The following RBM6 variants were observed in gnomAD, a reference collection of about 807,000 sequenced individuals.
RBM6 encodes RNA binding motif protein 6.
In RBM6, 23 loss-of-function variants were observed where a neutral mutation model predicts 140.4. The observed-to-expected ratio is 0.16, with a 90% CI of 0.12 to 0.23. The LOEUF (loss-of-function observed/expected upper bound fraction) is 0.23, where lower values mean the gene tolerates loss of function less well. Among genes scored for constraint, RBM6 ranks in the 10% least tolerant of loss-of-function variants. The probability of loss-of-function intolerance (pLI) is 1.00; values close to 1 mark genes in which losing one functional copy is unlikely to be tolerated. For synonymous variants in RBM6, 439 were observed against 475.6 expected, an observed-to-expected ratio of 0.92 and a Z score of 1.00; for missense variants, 1,139 against 1,386.7, an observed-to-expected ratio of 0.82 and a Z score of 2.84.
At chr3:50,016,912 GC>G (rs2087192717) in intron 6 of RBM6, among the ~76,000 whole-genome samples, 2 of 145,686 alleles carry the variant, frequency 1.4e-5, no homozygotes, top group African/African-American at 5.2e-5. Context: ...TGCAATCTCT[GC>G]CTCCCGGGTT....
intron 6 of RBM6, among the ~76,000 whole-genome samples, chr3:50,012,416 G>C (rs1486496084): frequency 2.0e-5 from 3 of 151,256 alleles, no homozygotes; most frequent in African/African-American, 7.3e-5. Context: ...GGAGTGCAGT[G>C]GCGTGATCTC....
chr3:49,990,580 A>G (rs919133077), intron 5 of RBM6, among the ~76,000 whole-genome samples: 3 of 152,232 alleles, frequency 2.0e-5, no homozygotes, highest in African/African-American at 7.2e-5. Context: ...CTCTGTATTA[A>G]TAAAGAGCAC....
intron 11 of RBM6, 92 bp from the exon 12 acceptor site, chr3:50,060,864 A>T: frequency 7.4e-7 from 1 of 1,358,588 alleles, no homozygotes; most frequent in Non-Finnish European, 9.8e-7. Context: ...AAAATGAGGA[A>T]CAGAGGATTT....
At chr3:50,071,676 G>A (rs1665417525) in intron 19 of RBM6, among the ~76,000 whole-genome samples, 1 of 152,146 alleles carries the variant, frequency 6.6e-6, no homozygotes, top group African/African-American at 2.4e-5. Context: ...CTTAGAGAGA[G>A]GTGTCAGATC....
intron 6 of RBM6, 138 bp downstream of exon 6, chr3:49,999,651 G>C: frequency 1.3e-6 from 1 of 741,016 alleles, no homozygotes; most frequent in South Asian, 1.8e-5. Context: ...ACCATCGGTT[G>C]TGAGGAAAAT....
At chr3:50,051,446 A>C (rs2089462990) in intron 7 of RBM6, among the ~76,000 whole-genome samples, 1 of 152,116 alleles carries the variant, frequency 6.6e-6, no homozygotes, top group South Asian at 2.1e-4. Context: ...GTTGGAGATC[A>C]GCCTGACCAA....
At chr3:50,043,300 TG>T (rs2089029894) in intron 6 of RBM6, among the ~76,000 whole-genome samples, 1 of 151,952 alleles carries the variant, frequency 6.6e-6, no homozygotes, top group Non-Finnish European at 1.5e-5. Flanking sequence ...CTGGCCAACA[TG>T]GTGAAACCCC....
Position 50,061,537 on chromosome 3 carries a change from C to T in RBM6, c.2429C>T (p.Pro810Leu), listed in dbSNP as rs2089941479. Residue 810 changes from proline (P) to leucine (L), a missense_variant, in exon 14 of 21, where the codon CCC becomes CTC. Pro to Leu is a moderately conservative substitution (Grantham distance 98, BLOSUM62 -3). Transcript: ENST00000266022. ...YDPLAGTYYD[P>L]NTQQEVYVPQ... is the part of the protein sequence containing the mutation. ...CCCTTGGCAGGAACTTATTATGACC[C>T]CAATACCCAGGTGAGTTTGGGGCTT... 1 of 1,597,226 alleles carries T rather than the reference C, an allele frequency of 6.3e-7. No individual in the cohort carries two copies. Among genetic ancestry groups the T allele is most frequent in the Non-Finnish European group, 8.5e-7 (1 of 1,176,276 alleles).
chr3:49,973,584 C>CTTTTTT (rs1226088993), intron 4 of RBM6, among the ~76,000 whole-genome samples: 3 of 131,322 alleles, frequency 2.3e-5, no homozygotes, highest in Non-Finnish European at 4.9e-5. Context: ...TTCTGCTTTT[C>CTTTTTT]TTTTTTTTTT....
At chr3:49,953,232 T>G (rs1246108666) in intron 1 of RBM6, among the ~76,000 whole-genome samples, 3 of 151,630 alleles carry the variant, frequency 2.0e-5, no homozygotes, top group Non-Finnish European at 4.4e-5. Flanking sequence ...ATTTTTTTTT[T>G]TTTTTGAGAT....
In RBM6 at chr3:49,956,261, T is replaced by G. The variant is rs920693323; in HGVS notation, c.-66-6315T>G. ...CTGGTCTCAAACTGGGTTCAAACAA[T>G]CTACCTGCCTTAGCCTTCCAAAGTG... On this transcript the variant is annotated intron_variant, in intron 1 of 20. Transcript: ENST00000266022. Among the ~76,000 whole-genome samples, 3 of 151,220 alleles carry G rather than the reference T, an allele frequency of 2.0e-5. No homozygotes were observed. The East Asian group carries it at 5.8e-4, about 29-fold the overall frequency.
intron 6 of RBM6, among the ~76,000 whole-genome samples, chr3:50,036,241 C>G (rs1055207524): frequency 1.3e-5 from 2 of 152,206 alleles, no homozygotes; most frequent in African/African-American, 4.8e-5. Flanking sequence ...CTACAAACTA[C>G]AAGAGATGCC....
At chr3:49,992,472 A>T (rs1430617057) in intron 5 of RBM6, among the ~76,000 whole-genome samples, 2 of 152,222 alleles carry the variant, frequency 1.3e-5, no homozygotes. Flanking sequence ...AGAAGCAGTA[A>T]TGCAGAGGCA....
intron 1 of RBM6, among the ~76,000 whole-genome samples, chr3:49,942,015 C>T (rs1372040025): frequency 2.0e-5 from 3 of 150,428 alleles, no homozygotes; most frequent in Non-Finnish European, 3.0e-5. Flanking sequence ...ATGGAAAAAT[C>T]GCTTGAGCCG....
chr3:50,070,483 G>T lies in RBM6; in HGVS notation c.3047G>T (p.Arg1016Leu). 7.4e-6 allele frequency: 12 copies of T among 1,613,896 alleles called. No individual in the cohort carries two copies. Among genetic ancestry groups the T allele is most frequent in the Non-Finnish European group, 1.0e-5 (12 of 1,179,834 alleles). Residue 1016 changes from arginine to leucine, a missense_variant, in exon 19 of 21, where the codon CGC becomes CTC. Physicochemically the swap from Arg to Leu is moderately radical, Grantham distance 102 (BLOSUM62 -2). Around this residue, in one of 9 missense-constraint regions of RBM6, gnomAD observed 125 missense variants for 142.0 expected, o/e 0.88. Coordinates refer to ENST00000266022, the MANE Select transcript of RBM6 (RefSeq NM_005777.3). Reference sequence around the variant, plus strand: ...AAGTTTAAAGGAAGAGGAAATGATCGCAGGGAAAAGCTCCAGTCTTTTGAC... The same window carrying T: ...AAGTTTAAAGGAAGAGGAAATGATCTCAGGGAAAAGCTCCAGTCTTTTGAC... ...EGKFKGRGNDRREKLQSFDSP... is the reference protein window; with the variant it reads ...EGKFKGRGNDLREKLQSFDSP...
intron 20 of RBM6, among the ~76,000 whole-genome samples, chr3:50,076,803 T>C (rs1160622131): frequency 6.6e-6 from 1 of 151,606 alleles, no homozygotes; most frequent in Non-Finnish European, 1.5e-5. Flanking sequence ...AAGAATTGCT[T>C]GAACCGGGGA....
intron 18 of RBM6, among the ~76,000 whole-genome samples, chr3:50,069,199 C>T (rs949600915): frequency 1.3e-5 from 2 of 152,152 alleles, no homozygotes; most frequent in African/African-American, 4.8e-5. Flanking sequence ...GCTTCACTGG[C>T]CTCTCTCATG....
At chr3:50,038,386 C>G (rs548813951) in intron 6 of RBM6, among the ~76,000 whole-genome samples, 1 of 152,278 alleles carries the variant, frequency 6.6e-6, no homozygotes, top group Non-Finnish European at 1.5e-5. Context: ...ATTTACCAAA[C>G]TCCCTATTTG....
At chr3:49,957,590 A>C (rs1459442374) in intron 1 of RBM6, among the ~76,000 whole-genome samples, 1 of 152,194 alleles carries the variant, frequency 6.6e-6, no homozygotes, top group Non-Finnish European at 1.5e-5. Flanking sequence ...ATTTGAATTT[A>C]TACTAACTTA....
Sources: gnomAD v4.1 joint callset for allele counts (sites outside exome capture counted in the v4.1 genomes callset) on GRCh38, gnomAD v4.1.1 for gene constraint, gnomAD v4.1.1 regional missense constraint, MANE v1.5 for transcripts, NCBI Gene and HGNC (gene_info 2026-07-23, HGNC 2026-07-21) for gene names.